Variants in CIB1 observed in about 807,000 individuals in gnomAD.
The protein encoded by CIB1 is calcium and integrin binding 1, also known as calcium and integrin-binding protein 1.
A neutral mutation model predicts 25.0 loss-of-function variants in CIB1; 19 were observed. The observed-to-expected ratio is 0.76, with a 90% confidence interval of 0.53 to 1.12. The LOEUF (loss-of-function observed/expected upper bound fraction) is 1.12. Ranked by LOEUF, CIB1 falls within the 50% of genes most tolerant of loss-of-function variation. CIB1 has a pLI of 0.00. For missense variants in CIB1, 236 were observed against 242.6 expected (o/e 0.97, Z 0.18); for synonymous variants, 104 against 98.5 (o/e 1.06, Z -0.33).
At chr15:90,232,088 G>C in intron 3 of CIB1, 131 bp downstream of exon 3, 1 of 709,646 alleles carries the variant, frequency 1.4e-6, no homozygotes, top group Non-Finnish European at 2.4e-6. Flanking sequence ...TAGAAAATCA[G>C]AACTAAGCAG....
At chr15:90,260,675 AC>A in the CIB1 span, among the ~76,000 whole-genome samples, 2 of 151,644 alleles carry the variant, frequency 1.3e-5, no homozygotes, top group Non-Finnish European at 2.9e-5. Flanking sequence ...ACATGGTGAA[AC>A]CCCATCTCTA....
chr15:90,248,718 C>CAAAAAAAAAAAAAAAAAAAAAAAAAA, the CIB1 span, among the ~76,000 whole-genome samples: 1 of 27,768 alleles, frequency 3.6e-5, no homozygotes, highest in Non-Finnish European at 6.7e-5. Flanking sequence ...GACCCTGTCT[C>CAAAAAAAAAAAAAAAAAAAAAAAAAA]AAAAAAAAAA....
the CIB1 span, chr15:90,262,069 C>T: frequency 6.5e-7 from 1 of 1,535,998 alleles, no homozygotes. Flanking sequence ...AGGATTCTCA[C>T]CTGGGAAAAT....
chr15:90,253,585 C>G, the CIB1 span, among the ~76,000 whole-genome samples: 1 of 152,186 alleles, frequency 6.6e-6, no homozygotes, highest in African/African-American at 2.4e-5. Flanking sequence ...GTGGGCACAT[C>G]CTATCTCATG....
the CIB1 span, chr15:90,255,922 G>T: frequency 3.7e-6 from 6 of 1,613,338 alleles, no homozygotes; most frequent in Non-Finnish European, 5.1e-6. Flanking sequence ...AGATACCAGG[G>T]GGAGGAAAAG....
chr15:90,264,247 A>G, the CIB1 span, among the ~76,000 whole-genome samples: 1 of 152,106 alleles, frequency 6.6e-6, no homozygotes, highest in African/African-American at 2.4e-5. Flanking sequence ...GCTGAAGTAC[A>G]ATGGCTTGAT....
the CIB1 span, chr15:90,257,128 A>G: frequency 6.2e-7 from 1 of 1,610,718 alleles, no homozygotes; most frequent in African/African-American, 1.3e-5. Flanking sequence ...ATGGGTTTGC[A>G]TGCTCCCAGC....
the CIB1 span, chr15:90,256,414 G>T: frequency 2.3e-6 from 3 of 1,294,682 alleles, no homozygotes; most frequent in South Asian, 2.6e-5. Context: ...CACTAGCCCC[G>T]TTTTCCTGGA....
chr15:90,253,270 G>A, the CIB1 span: 1 of 1,613,902 alleles, frequency 6.2e-7, no homozygotes, highest in Non-Finnish European at 8.5e-7. Context: ...GCCCAAATGT[G>A]TGGCCTGAAG....
chr15:90,249,781 A>T, the CIB1 span: 1 of 152,196 alleles, frequency 6.6e-6, no homozygotes, highest in Non-Finnish European at 1.5e-5. Flanking sequence ...CGGACCCAGC[A>T]GCCCCTCAGC....
At chr15:90,252,302 G>A in the CIB1 span, among the ~76,000 whole-genome samples, 1 of 151,984 alleles carries the variant, frequency 6.6e-6, no homozygotes, top group Non-Finnish European at 1.5e-5. Flanking sequence ...CTCCCAAAGT[G>A]CTGGGATTAC....
chr15:90,248,268 T>C, the CIB1 span, among the ~76,000 whole-genome samples: 1 of 152,216 alleles, frequency 6.6e-6, no homozygotes, highest in Non-Finnish European at 1.5e-5. Context: ...AAAGTGATTT[T>C]GGTATAAACA....
chr15:90,235,903 C>T (rs994247370), upstream of CIB1, among the ~76,000 whole-genome samples: 9 of 151,988 alleles, frequency 5.9e-5, no homozygotes, highest in South Asian at 4.2e-4. Context: ...TCTTTCTGTC[C>T]GAGAAAGAGT....
At chr15:90,233,600 G>A (rs1465219888) in intron 2 of CIB1, 69 bp downstream of exon 2, 2 of 1,537,122 alleles carry the variant, frequency 1.3e-6, no homozygotes, top group South Asian at 1.2e-5. Flanking sequence ...CCCCTCCCTC[G>A]GGACAGCGCC....
the CIB1 span, chr15:90,251,617 A>G: frequency 6.2e-7 from 1 of 1,612,246 alleles, no homozygotes; most frequent in East Asian, 2.2e-5. Context: ...CCCGTCGCTC[A>G]CACTGTGGTG....
the CIB1 span, among the ~76,000 whole-genome samples, chr15:90,248,431 T>C: frequency 6.6e-6 from 1 of 152,036 alleles, no homozygotes; most frequent in Non-Finnish European, 1.5e-5. Context: ...ATGCCTTTTT[T>C]AGGCCGAGTT....
At chr15:90,248,567 TAGCC>T in the CIB1 span, among the ~76,000 whole-genome samples, 23 of 151,406 alleles carry the variant, frequency 1.5e-4, no homozygotes, top group Admixed American at 1.5e-3. Context: ...ATACAAAAAT[TAGCC>T]AGGCATGGTG....
At chr15:90,256,700 CTT>C in the CIB1 span, among the ~76,000 whole-genome samples, 2 of 151,120 alleles carry the variant, frequency 1.3e-5, no homozygotes, top group African/African-American at 2.4e-5. Flanking sequence ...CTCTCTCTCT[CTT>C]TCTTTCGATG....
the CIB1 span, chr15:90,265,396 G>A: frequency 1.6e-6 from 2 of 1,254,904 alleles, no homozygotes; most frequent in Non-Finnish European, 2.0e-6. Flanking sequence ...GGCGGAGACA[G>A]GCAGGCCTGG....
Sources: gnomAD v4.1 joint callset for allele counts (sites outside exome capture counted in the v4.1 genomes callset) on GRCh38, gnomAD v4.1.1 for gene constraint, MANE v1.5 for transcripts, NCBI Gene and HGNC (gene_info 2026-07-23, HGNC 2026-07-21) for gene names.